TNRC6B: variants seen among roughly 807,000 people sequenced by gnomAD.
TNRC6B encodes the protein trinucleotide repeat-containing gene 6B protein.
A neutral mutation model predicts 203.6 loss-of-function variants in TNRC6B; 52 were observed. The ratio of observed to expected loss-of-function variants is 0.26; its 90% CI spans 0.20 to 0.32. The LOEUF is 0.32. Ranked by LOEUF, TNRC6B falls within the 10% of genes least tolerant of loss-of-function variation. The pLI is 1.00. For synonymous variants in TNRC6B, 838 were observed against 845.7 expected (o/e 0.99, Z 0.16); for missense variants, 1,923 against 2,286.2 (o/e 0.84, Z 3.24).
intron 4 of TNRC6B, among the ~76,000 whole-genome samples, chr22:40,169,576 A>G (rs775005936): frequency 2.0e-5 from 3 of 152,126 alleles, no homozygotes; most frequent in African/African-American, 7.2e-5. Flanking sequence ...CTCCACCTCC[A>G]CTGCCCAGCT....
At chr22:40,280,281 G>T in intron 10 of TNRC6B, 138 bp downstream of exon 10, 2 of 795,840 alleles carry the variant, frequency 2.5e-6, no homozygotes, top group Non-Finnish European at 1.9e-6. Flanking sequence ...CTGCATTAAC[G>T]TGGTGACCTG....
chr22:40,208,274 C>T (rs1181114925), intron 1 of TNRC6B, among the ~76,000 whole-genome samples: 1 of 152,118 alleles, frequency 6.6e-6, no homozygotes. Flanking sequence ...CATGGACACT[C>T]TATGAGCCAG....
In TNRC6B at chr22:40,321,150, C is replaced by T; in HGVS notation, c.5035C>T (p.Leu1679=). Residue 1679 remains leucine, a synonymous_variant, in exon 22 of 23, where the codon CTG becomes TTG. Coordinates refer to ENST00000454349, the MANE Select transcript of TNRC6B (RefSeq NM_001162501.2). ...MQHGPLLTFH[L]NLTQGTALIR... Reference sequence around the variant, plus strand: ...GCATGGCCCACTGCTGACATTCCATCTGAATCTAACCCAGGGCACTGCCCT... The same window carrying T: ...GCATGGCCCACTGCTGACATTCCATTTGAATCTAACCCAGGGCACTGCCCT... 6.2e-7 allele frequency: 1 copy of T among 1,614,016 alleles called. No homozygotes were observed. The highest frequency in any genetic ancestry group is 8.5e-7 in the Non-Finnish European group (1 of 1,179,892).
In TNRC6B at chr22:40,312,544, T is replaced by G; in HGVS notation, c.4475T>G (p.Ile1492Ser). Residue 1492 changes from isoleucine (I) to serine (S), a missense_variant, in exon 18 of 23, where the codon ATT becomes AGT. Coordinates refer to ENST00000454349, the MANE Select transcript of TNRC6B (RefSeq NM_001162501.2). ...GTGCCATGGAAAGGTATCCAAAACA[T>G]TGACCCTGAATCTGACCCCTATGTC... ...PGVPWKGIQNIDPESDPYVTP... is the reference protein window; with the variant it reads ...PGVPWKGIQNSDPESDPYVTP... 3 of 1,614,014 alleles carry G rather than the reference T, an allele frequency of 1.9e-6. No individual in the cohort carries two copies. Among genetic ancestry groups the G allele is most frequent in the Non-Finnish European group, 2.5e-6 (3 of 1,179,962 alleles).
At chr22:40,064,565 T>C (rs1305349639) in intron 1 of TNRC6B, among the ~76,000 whole-genome samples, 2 of 152,126 alleles carry the variant, frequency 1.3e-5, no homozygotes, top group Admixed American at 6.6e-5. Flanking sequence ...TATATTAAGC[T>C]AACTTTGCAT....
At chr22:40,100,367 G>A (rs2068227771) in intron 1 of TNRC6B, among the ~76,000 whole-genome samples, 1 of 150,300 alleles carries the variant, frequency 6.7e-6, no homozygotes, top group Non-Finnish European at 1.5e-5. Context: ...TGGGATTACA[G>A]GCGTGACCAC....
At chr22:40,186,434 G>A (rs889848191) in intron 1 of TNRC6B, among the ~76,000 whole-genome samples, 2 of 151,894 alleles carry the variant, frequency 1.3e-5, no homozygotes, top group African/African-American at 2.4e-5. Flanking sequence ...AAATTTTCCA[G>A]GAGTCACATT....
chr22:40,316,063 G>C (rs2071253496), intron 21 of TNRC6B, 51 bp downstream of exon 21: 2 of 1,558,508 alleles, frequency 1.3e-6, no homozygotes, highest in East Asian at 2.2e-5. Context: ...TGTATTAAGA[G>C]AGAGGGAAAG....
rs2068255374 is a variant in TNRC6B, at chr22:40,103,260, CCTGT to C, written c.-120-13792_-120-13789del. 4.7e-5 allele frequency among the ~76,000 whole-genome samples: 7 copies of C among 149,422 alleles called. No homozygotes were observed. The South Asian group carries it at 1.5e-3, about 31-fold the overall frequency. On this transcript the variant is annotated intron_variant, in intron 1 of 23. Transcript: ENST00000301923. ...TCCAGCCTGGGCGACAGAATGACAC[CCTGT>C]CTCAAAAAAAAAAAAAAAGTCTATA...
chr22:40,320,170 G>C (rs1395638514), intron 21 of TNRC6B, among the ~76,000 whole-genome samples: 3 of 152,206 alleles, frequency 2.0e-5, no homozygotes, highest in Admixed American at 2.0e-4. Context: ...ATGGTGGACT[G>C]ATCTTAAATA....
At chr22:40,122,156 T>C (rs1304822178) in intron 2 of TNRC6B, among the ~76,000 whole-genome samples, 1 of 152,246 alleles carries the variant, frequency 6.6e-6, no homozygotes, top group East Asian at 1.9e-4. Context: ...TTGACTGGGC[T>C]CTCTATATTT....
intron 4 of TNRC6B, among the ~76,000 whole-genome samples, chr22:40,168,370 T>C (rs1361405895): frequency 6.6e-6 from 1 of 152,186 alleles, no homozygotes; most frequent in Non-Finnish European, 1.5e-5. Context: ...AAGTGGTTAA[T>C]CATAACAGGC....
At position 40,132,963 on chromosome 22, in the gene TNRC6B, A is replaced by ATATATATAT. The variant is rs1555884671; in HGVS notation, c.45+7101_45+7102insTATATATAT. Among the ~76,000 whole-genome samples, 119 of 80,882 alleles carry ATATATATAT rather than the reference A, an allele frequency of 1.5e-3. 3 individuals carry two copies. The highest frequency in any genetic ancestry group is 5.0e-3 in the African/African-American group (116 of 23,412). 53.1% of individuals were successfully genotyped at this position (80,882 alleles called of 152,430 possible). On this transcript the variant is annotated intron_variant, in intron 3 of 23. Transcript: ENST00000301923. ...TGTCTCAAAAAAAAAAAAAAAAAAA[A>ATATATATAT]AAAAAAATATATATATATATATATA...
rs148843767 is a variant in TNRC6B, at chr22:40,180,449, T to A, written c.5+2309T>A. ...ACAGAGAATGATACAATGAATGCCA[T>A]TTGATTCTTTGAAATGTTTTTTATA... is the stretch of plus-strand genomic sequence containing the variant. On this transcript the variant is annotated intron_variant, in intron 1 of 22. Transcript: ENST00000454349. 6.4e-3 allele frequency among the ~76,000 whole-genome samples: 971 copies of A among 152,290 alleles called. 6 individuals carry two copies. Among genetic ancestry groups the A allele is most frequent in the Non-Finnish European group, 0.01 (685 of 68,022 alleles).
At chr22:40,247,849 T>C (rs892958470) in intron 2 of TNRC6B, among the ~76,000 whole-genome samples, 1 of 152,094 alleles carries the variant, frequency 6.6e-6, no homozygotes, top group Non-Finnish European at 1.5e-5. Context: ...GCAGGAGGGA[T>C]CACTTGAGTC....
At chr22:40,230,469 T>C (rs2069853526) in intron 1 of TNRC6B, among the ~76,000 whole-genome samples, 1 of 151,940 alleles carries the variant, frequency 6.6e-6, no homozygotes, top group Admixed American at 6.6e-5. Flanking sequence ...TTTTTGTTTT[T>C]TTAGTAACAA....
intron 17 of TNRC6B, among the ~76,000 whole-genome samples, chr22:40,312,018 G>A (rs1235612015): frequency 6.6e-6 from 1 of 152,228 alleles, no homozygotes; most frequent in African/African-American, 2.4e-5. Context: ...CTTTTGCTAA[G>A]CTAAATTATC....
chr22:40,089,358 C>T (rs60410735), intron 1 of TNRC6B, among the ~76,000 whole-genome samples: 8 of 151,776 alleles, frequency 5.3e-5, no homozygotes, highest in East Asian at 1.9e-4. Flanking sequence ...TCAGCCTCCC[C>T]GGTAGCTGGG....
chr22:40,154,547 T>C (rs2146350988), intron 3 of TNRC6B, among the ~76,000 whole-genome samples: 1 of 147,910 alleles, frequency 6.8e-6, no homozygotes, highest in East Asian at 2.0e-4. Context: ...TGGTTAAAAA[T>C]ACATATTTTC....
Sources: allele counts gnomAD v4.1 joint callset (sites outside exome capture counted in the v4.1 genomes callset), GRCh38; gene constraint gnomAD v4.1.1; transcripts MANE v1.5; gene names NCBI Gene and HGNC (gene_info 2026-07-23, HGNC 2026-07-21).